ANKRD6: variants seen among roughly 807,000 people sequenced by gnomAD.
ANKRD6 encodes ankyrin repeat domain 6.
A neutral mutation model predicts 82.3 loss-of-function variants in ANKRD6; 56 were observed. The ratio of observed to expected loss-of-function variants is 0.68; its 90% confidence interval spans 0.55 to 0.85. The LOEUF (loss-of-function observed/expected upper bound fraction) is 0.85, where lower values mean the gene tolerates loss of function less well. Among genes scored for constraint, ANKRD6 ranks in the 40% least tolerant of loss-of-function variants. ANKRD6 has a pLI of 0.00. For missense variants in ANKRD6, 852 were observed against 907.6 expected (o/e 0.94, Z 0.79); for synonymous variants, 347 against 352.1 (o/e 0.99, Z 0.16).
In ANKRD6 at chr6:89,621,916, C is replaced by T. The variant is rs1294959712; in HGVS notation, c.793-6C>T. On this transcript the variant is annotated splice_region_variant and splice_polypyrimidine_tract_variant and intron_variant, in intron 9 of 15. Transcript: ENST00000339746. ...TGGTTGTAACAATGCCGTTTGCCTC[C>T]TTCAGGTCTTGCGCTTCAGTCGTGG... is the stretch of plus-strand genomic sequence containing the variant. The T allele has an allele frequency of 6.2e-7, 1 of 1,613,868 alleles. No homozygotes were observed. Among genetic ancestry groups the T allele is most frequent in the African/African-American group, 1.3e-5 (1 of 75,048 alleles).
At chr6:89,512,451 G>A (rs1780662560) in intron 1 of ANKRD6, among the ~76,000 whole-genome samples, 1 of 152,184 alleles carries the variant, frequency 6.6e-6, no homozygotes, top group Admixed American at 6.5e-5. Context: ...TCTTGGTTTT[G>A]GTCTCAGAAC....
At chr6:89,553,927 A>G (rs1183525101) in intron 1 of ANKRD6, among the ~76,000 whole-genome samples, 1 of 151,762 alleles carries the variant, frequency 6.6e-6, no homozygotes, top group Non-Finnish European at 1.5e-5. Context: ...CCATCCTTCA[A>G]ACAGCAGCAA....
At chr6:89,482,960 G>A (rs1446032666) in intron 1 of ANKRD6, among the ~76,000 whole-genome samples, 1 of 152,020 alleles carries the variant, frequency 6.6e-6, no homozygotes, top group Admixed American at 6.6e-5. Flanking sequence ...CTTGTTTTTG[G>A]CACCCACATC....
chr6:89,518,638 G>C (rs1433512665), intron 1 of ANKRD6, among the ~76,000 whole-genome samples: 2 of 149,734 alleles, frequency 1.3e-5, no homozygotes, highest in African/African-American at 5.0e-5. Context: ...GTCATATGAT[G>C]CAAAAAAAAA....
chr6:89,453,443 C>CT (rs1278768305), intron 1 of ANKRD6, among the ~76,000 whole-genome samples: 1 of 152,146 alleles, frequency 6.6e-6, no homozygotes. Context: ...TGCTTGCCTT[C>CT]TTTTTTCTCA....
At chr6:89,576,895 G>A (rs1291126375) in intron 2 of ANKRD6, among the ~76,000 whole-genome samples, 1 of 152,078 alleles carries the variant, frequency 6.6e-6, no homozygotes, top group Admixed American at 6.6e-5. Context: ...CCTGTCTCCT[G>A]ATCCCCAAGG....
intron 1 of ANKRD6, among the ~76,000 whole-genome samples, chr6:89,442,600 G>A (rs1771539037): frequency 7.0e-6 from 1 of 142,620 alleles, no homozygotes. Flanking sequence ...CTCCAACAGA[G>A]TGTCAGACCC....
At chr6:89,469,921 T>C (rs1775255510) in intron 1 of ANKRD6, among the ~76,000 whole-genome samples, 1 of 152,200 alleles carries the variant, frequency 6.6e-6, no homozygotes, top group African/African-American at 2.4e-5. Context: ...ACTCTCTCTT[T>C]ACCCCAGATT....
chr6:89,511,769 A>G (rs1012734685), intron 1 of ANKRD6, among the ~76,000 whole-genome samples: 1 of 152,046 alleles, frequency 6.6e-6, no homozygotes, highest in African/African-American at 2.4e-5. Flanking sequence ...AAAGAACTAC[A>G]TTTTTTTGTT....
chr6:89,539,089 A>G (rs535701090), intron 1 of ANKRD6, among the ~76,000 whole-genome samples: 1 of 152,190 alleles, frequency 6.6e-6, no homozygotes, highest in South Asian at 2.1e-4. Flanking sequence ...TTAGGAATCT[A>G]TTTCTTTCAT....
chr6:89,576,804 C>T (rs540096028), intron 2 of ANKRD6, among the ~76,000 whole-genome samples: 5 of 152,286 alleles, frequency 3.3e-5, no homozygotes, highest in East Asian at 3.9e-4. Context: ...AGGCCCTCTG[C>T]GCTCATCTGC....
intron 1 of ANKRD6, among the ~76,000 whole-genome samples, chr6:89,434,569 C>G (rs1406788431): frequency 1.3e-5 from 2 of 152,082 alleles, no homozygotes; most frequent in South Asian, 2.1e-4. Flanking sequence ...ACCGATCTTC[C>G]CACCTCAGCC....
intron 1 of ANKRD6, among the ~76,000 whole-genome samples, chr6:89,470,372 A>G (rs898197739): frequency 1.3e-5 from 2 of 152,318 alleles, no homozygotes; most frequent in Admixed American, 1.3e-4. Flanking sequence ...TAATCCCACC[A>G]CTTTACTAGA....
intron 1 of ANKRD6, among the ~76,000 whole-genome samples, chr6:89,454,402 T>G (rs1268645146): frequency 6.6e-6 from 1 of 152,246 alleles, no homozygotes; most frequent in Non-Finnish European, 1.5e-5. Flanking sequence ...AAAAGTTATG[T>G]GGGTTTATCC....
At chr6:89,452,958 G>C (rs998534956) in intron 1 of ANKRD6, among the ~76,000 whole-genome samples, 4 of 152,104 alleles carry the variant, frequency 2.6e-5, no homozygotes, top group Non-Finnish European at 5.9e-5. Context: ...GTTCAGACTG[G>C]TCCTCATGAA....
intron 1 of ANKRD6, among the ~76,000 whole-genome samples, chr6:89,518,102 A>G (rs368164794): frequency 1.3e-5 from 2 of 152,220 alleles, no homozygotes; most frequent in East Asian, 1.9e-4. Context: ...CCAAATAATC[A>G]TAAAAATAAG....
At chr6:89,480,057 A>G (rs1195059154) in intron 1 of ANKRD6, among the ~76,000 whole-genome samples, 5 of 152,168 alleles carry the variant, frequency 3.3e-5, no homozygotes, top group Admixed American at 6.5e-5. Flanking sequence ...ACCTAAAAGA[A>G]ACTTGCTTTA....
chr6:89,577,742 A>G (rs1791460234), intron 2 of ANKRD6, among the ~76,000 whole-genome samples: 1 of 152,178 alleles, frequency 6.6e-6, no homozygotes, highest in Admixed American at 6.5e-5. Flanking sequence ...GCTTGAGCTC[A>G]GGAGGTTGAG....
intron 1 of ANKRD6, among the ~76,000 whole-genome samples, chr6:89,435,274 G>A (rs570586879): frequency 6.6e-6 from 1 of 152,246 alleles, no homozygotes; most frequent in South Asian, 2.1e-4. Flanking sequence ...ACCCAAGTAC[G>A]AGTCACCCGG....
Sources: allele counts gnomAD v4.1 joint callset (sites outside exome capture counted in the v4.1 genomes callset), GRCh38; gene constraint gnomAD v4.1.1; transcripts MANE v1.5; gene names NCBI Gene and HGNC (gene_info 2026-07-23, HGNC 2026-07-21).